ZNF518A: variants seen among roughly 807,000 people sequenced by gnomAD.
ZNF518A encodes the protein zinc finger protein 518A.
ZNF518A carries 47 observed loss-of-function variants against 102.7 expected under a neutral mutation model. That is an observed-to-expected ratio of 0.46 (90% CI 0.36 to 0.58). ZNF518A has a LOEUF of 0.58. Among genes scored for constraint, ZNF518A ranks in the 20% least tolerant of loss-of-function variants. The pLI, the probability that ZNF518A is intolerant of heterozygous loss-of-function variation, is 0.00. For synonymous variants in ZNF518A, 652 were observed against 594.6 expected (o/e 1.10, Z -1.40); for missense variants, 1,793 against 1,699.8 (o/e 1.05, Z -0.96).
At chr10:96,204,130 T>C, downstream of ZNF518A, 1 of 1,610,378 alleles carries the variant, frequency 6.2e-7, no homozygotes, top group Non-Finnish European at 8.5e-7. Context: ...CAAAGCACAA[T>C]ATGAGTAAGT....
intron 3 of ZNF518A, among the ~76,000 whole-genome samples, chr10:96,134,007 G>A (rs782281098): frequency 2.6e-5 from 4 of 152,132 alleles, no homozygotes; most frequent in African/African-American, 9.7e-5. Context: ...AAGTAATTCT[G>A]AATGCTAAGA....
intron 1 of ZNF518A, among the ~76,000 whole-genome samples, chr10:96,177,688 A>G (rs2083213921): frequency 6.6e-6 from 1 of 152,144 alleles, no homozygotes; most frequent in South Asian, 2.1e-4. Flanking sequence ...AATATTGAAG[A>G]TAAAATAGAT....
At chr10:96,144,177 G>C (rs113051038) in intron 3 of ZNF518A, among the ~76,000 whole-genome samples, 1 of 152,040 alleles carries the variant, frequency 6.6e-6, no homozygotes, top group South Asian at 2.1e-4. Flanking sequence ...GTAGAAATGG[G>C]GTTTCGCCAT....
intron 3 of ZNF518A, among the ~76,000 whole-genome samples, chr10:96,143,726 A>G (rs1202545282): frequency 1.3e-5 from 2 of 152,188 alleles, no homozygotes; most frequent in East Asian, 3.8e-4. Context: ...TGGTGGTGAC[A>G]TTGCCCTCTT....
At position 96,159,098 on chromosome 10, in the gene ZNF518A, CAAAA is replaced by C; in HGVS notation, c.2782_2785del (p.Lys928LeufsTer2). 1.2e-6 allele frequency: 2 copies of C among 1,601,024 alleles called. No individual in the cohort carries two copies. The highest frequency in any genetic ancestry group is 1.7e-6 in the Non-Finnish European group (2 of 1,174,756). Reference sequence around the variant, plus strand: ...GCAGAGTCCACTTTTAAATTCAGAACAAAAAAAAACTATAATTGTTCAGACTTCA... The same window carrying C: ...GCAGAGTCCACTTTTAAATTCAGAACAAAAACTATAATTGTTCAGACTTCA... On this transcript the variant is annotated frameshift_variant, in exon 6 of 6. Transcript: ENST00000316045. LOFTEE classifies it high-confidence loss of function.
chr10:96,154,777 A>G (rs587762214), intron 3 of ZNF518A, among the ~76,000 whole-genome samples: 5 of 152,278 alleles, frequency 3.3e-5, no homozygotes, highest in African/African-American at 9.6e-5. Flanking sequence ...TTTTATGACA[A>G]ACATCCCATT....
At chr10:96,204,558 C>T (rs1554896954), downstream of ZNF518A, 1 of 1,614,052 alleles carries the variant, frequency 6.2e-7, no homozygotes. Flanking sequence ...ACACTGGTGA[C>T]TGCACAGCTT....
Position 96,157,008 on chromosome 10 carries a change from A to T in ZNF518A, c.686A>T (p.His229Leu). The part of the protein sequence containing the change: ...VGTFVQHIHR[H>L]NEIHYKCGKC... Reference sequence around the variant, plus strand: ...ACATTTGTTCAGCACATTCATAGACATAATGAAATTCATTATAAGTGTGGT... The same window carrying T: ...ACATTTGTTCAGCACATTCATAGACTTAATGAAATTCATTATAAGTGTGGT... The change falls in exon 6 of 6, where the codon CAT becomes CTT. Residue 229 changes from histidine (H) to leucine (L), a missense_variant. His to Leu is a moderately conservative substitution (Grantham distance 99). This residue lies in a region of ZNF518A where 1,741 missense variants were observed against 1,622.6 expected (regional missense o/e 1.07). Transcript: ENST00000316045. 1 of 1,613,848 alleles carries T rather than the reference A, an allele frequency of 6.2e-7. No individual in the cohort carries two copies. Among genetic ancestry groups the T allele is most frequent in the Non-Finnish European group, 8.5e-7 (1 of 1,179,780 alleles).
intron 1 of ZNF518A, among the ~76,000 whole-genome samples, chr10:96,171,016 A>G (rs587604534): frequency 3.3e-5 from 5 of 152,000 alleles, no homozygotes; most frequent in African/African-American, 1.2e-4. Flanking sequence ...ACCATGTGAG[A>G]TACCACTAAA....
At chr10:96,188,130 G>A (rs2083283636) in intron 1 of ZNF518A, among the ~76,000 whole-genome samples, 1 of 152,238 alleles carries the variant, frequency 6.6e-6, no homozygotes, top group Admixed American at 6.5e-5. Context: ...GATTATAGGT[G>A]TAAGCCACCA....
rs2083614556 is a variant in ZNF518A at position 96,200,904 on chromosome 10, T to C, written n.36-2670T>C. Reference sequence around the variant, plus strand: ...CTCTGTTCTCAAGGTTCACTCCAAATGTCTTCTTCTCAGAAGACATGCTCT... The same window carrying C: ...CTCTGTTCTCAAGGTTCACTCCAAACGTCTTCTTCTCAGAAGACATGCTCT... On this transcript the variant is annotated intron_variant and non_coding_transcript_variant, in intron 1 of 2. Transcript: ENST00000442635. This position sits in a 1 kb window ranked among gnomAD's most constrained non-coding sequence, Gnocchi z 4.3. 4 of 1,297,330 alleles carry C rather than the reference T, an allele frequency of 3.1e-6. No individual in the cohort carries two copies. The highest frequency in any genetic ancestry group is 4.5e-6 in the Non-Finnish European group (4 of 891,770). 80.4% of individuals were successfully genotyped at this position (1,297,330 alleles called of 1,614,324 possible).
upstream of ZNF518A, chr10:96,129,968 C>T (rs879985962): frequency 6.5e-6 from 1 of 152,692 alleles, no homozygotes; most frequent in Admixed American, 6.5e-5. Flanking sequence ...CCCTGCCGGC[C>T]TCCGTTCTCT....
chr10:96,131,873 A>G (rs913445086), intron 1 of ZNF518A, among the ~76,000 whole-genome samples: 5 of 152,214 alleles, frequency 3.3e-5, no homozygotes, highest in African/African-American at 9.6e-5. Flanking sequence ...ACTTTAGCCT[A>G]GATCTATAAT....
rs1323875689 is a variant in ZNF518A at position 96,155,362 on chromosome 10, A to T, written c.-265A>T. 1 of 152,238 alleles carries T rather than the reference A, an allele frequency of 6.6e-6. No individual in the cohort carries two copies. Among genetic ancestry groups the T allele is most frequent in the African/African-American group, 2.4e-5 (1 of 41,460 alleles). The allele number at this position is 152,238 out of a possible 1,614,324, so 9.4% of individuals were successfully genotyped here. ...GAGACACAGAGGTTGAGACTTGTCT[A>T]AAGTAACATGACCAGTAAGTGCTTG... On this transcript the variant is annotated 5_prime_UTR_variant, in exon 4 of 6. Transcript: ENST00000316045.
At chr10:96,196,931 C>T (rs2083481807) in intron 1 of ZNF518A, 2 of 1,613,156 alleles carry the variant, frequency 1.2e-6, no homozygotes, top group Non-Finnish European at 1.7e-6. Context: ...TTCTTTCTGC[C>T]CAAGGCATAT....
intron 1 of ZNF518A, among the ~76,000 whole-genome samples, chr10:96,177,269 C>G (rs1229297659): frequency 6.6e-6 from 1 of 151,994 alleles, no homozygotes; most frequent in Non-Finnish European, 1.5e-5. Flanking sequence ...AATAAGTCAT[C>G]CTAGAATTCT....
At chr10:96,164,468 CT>C (rs34302998), downstream of ZNF518A, among the ~76,000 whole-genome samples, 56,745 of 151,970 alleles carry the variant, frequency 0.37, 11,926 homozygotes, top group Middle Eastern at 0.55. Flanking sequence ...TTAGTGGAAA[CT>C]TTTTCCTGTA....
rs1040452741 is a variant in ZNF518A, at chr10:96,157,367, A to C, written c.1045A>C (p.Lys349Gln). 19 of 1,610,772 alleles carry C rather than the reference A, an allele frequency of 1.2e-5. No homozygotes were observed. Among genetic ancestry groups the C allele is most frequent in the Non-Finnish European group, 1.6e-5 (19 of 1,178,398 alleles). The stretch of plus-strand genomic sequence containing the variant: ...TATAGAAAAGAACACTCAAGTGCTT[A>C]AGAAAATGAACAAAACACAGACTAA... ...RSIEKNTQVL[K>Q]KMNKTQTKSE... is the part of the protein sequence containing the mutation. The change falls in exon 6 of 6, where the codon AAG (lysine) becomes CAG (glutamine). Residue 349 changes from lysine to glutamine, a missense_variant. This residue lies in a region of ZNF518A where 1,741 missense variants were observed against 1,622.6 expected (regional missense o/e 1.07). Coordinates refer to ENST00000316045, the MANE Select transcript of ZNF518A (RefSeq NM_001330736.2).
chr10:96,194,918 G>A (rs1485963956), intron 1 of ZNF518A, among the ~76,000 whole-genome samples: 1 of 151,058 alleles, frequency 6.6e-6, no homozygotes, highest in Non-Finnish European at 1.5e-5. Flanking sequence ...CTACAGGCAC[G>A]CGCCACCATG....
Sources: allele counts gnomAD v4.1 joint callset (sites outside exome capture counted in the v4.1 genomes callset), GRCh38; gene constraint gnomAD v4.1.1; regional missense constraint gnomAD v4.1.1; non-coding constraint Gnocchi (gnomAD v3.1); transcripts MANE v1.5; gene names NCBI Gene and HGNC (gene_info 2026-07-23, HGNC 2026-07-21).